Variants in MAN1C1 observed in about 807,000 individuals in gnomAD.
MAN1C1 encodes mannosidase alpha class 1C member 1.
Under a neutral mutation model 71.5 loss-of-function variants are expected in MAN1C1, and 49 were observed. The observed-to-expected ratio is 0.69, with a 90% CI of 0.54 to 0.87. MAN1C1 has a LOEUF of 0.87. MAN1C1 is among the 40% of genes least tolerant of loss of function. The pLI, the probability that MAN1C1 is intolerant of heterozygous loss-of-function variation, is 0.00. For missense variants in MAN1C1, 743 were observed against 835.0 expected, an observed-to-expected ratio of 0.89 and a Z score of 1.36; for synonymous variants, 352 against 343.7, an observed-to-expected ratio of 1.02 and a Z score of -0.27.
intron 8 of MAN1C1, among the ~76,000 whole-genome samples, chr1:25,773,686 G>A (rs913961136): frequency 6.6e-6 from 1 of 152,242 alleles, no homozygotes; most frequent in Non-Finnish European, 1.5e-5. Flanking sequence ...GCACACAGTA[G>A]TTGAGCCATC....
At chr1:25,697,357 T>G (rs965927794) in intron 2 of MAN1C1, among the ~76,000 whole-genome samples, 2 of 152,274 alleles carry the variant, frequency 1.3e-5, no homozygotes, top group Admixed American at 1.3e-4. Context: ...CATTGTAGCA[T>G]GTATTATCAG....
At chr1:25,781,918 C>T (rs931691501) in intron 10 of MAN1C1, among the ~76,000 whole-genome samples, 3 of 152,136 alleles carry the variant, frequency 2.0e-5, no homozygotes, top group East Asian at 1.9e-4. Context: ...CCCATCTATA[C>T]AGAAAAATAC....
intron 1 of MAN1C1, among the ~76,000 whole-genome samples, chr1:25,653,085 GTTTTT>G (rs2045716724): frequency 6.6e-6 from 1 of 151,878 alleles, no homozygotes; most frequent in Non-Finnish European, 1.5e-5. Flanking sequence ...GTTTTGTTTT[GTTTTT>G]GTTTTTTGAA....
chr1:25,665,519 T>C (rs752570755), intron 1 of MAN1C1, among the ~76,000 whole-genome samples: 2 of 152,180 alleles, frequency 1.3e-5, no homozygotes, highest in Non-Finnish European at 2.9e-5. Context: ...TGCCATCATC[T>C]TTGGATAACG....
At chr1:25,777,556 G>A (rs1365062961) in intron 8 of MAN1C1, 2 of 152,206 alleles carry the variant, frequency 1.3e-5, no homozygotes, top group East Asian at 1.9e-4. Flanking sequence ...GGGCGCGGCA[G>A]CCCAGGTGCC....
At chr1:25,732,915 G>A (rs1243764533) in intron 2 of MAN1C1, among the ~76,000 whole-genome samples, 1 of 152,164 alleles carries the variant, frequency 6.6e-6, no homozygotes, top group African/African-American at 2.4e-5. Flanking sequence ...TGCACCTCTT[G>A]GCTGTGGTCC....
chr1:25,631,317 C>A lies in MAN1C1; in HGVS notation c.540+12980C>A, dbSNP rs953526735. On this transcript the variant is annotated intron_variant, in intron 1 of 11. Transcript: ENST00000374332. The surrounding 1 kb of genome is among the most constrained non-coding windows in gnomAD (Gnocchi z 4.2). ...TGAAAGTCGGCATCCTTGTCTTGTT[C>A]CAGTTCTTAGAAGGGAATGCCTTAA... Among the ~76,000 whole-genome samples, 2 of 152,116 alleles carry A rather than the reference C, an allele frequency of 1.3e-5. No individual in the cohort carries two copies. The highest frequency in any genetic ancestry group is 2.9e-5 in the Non-Finnish European group (2 of 68,030).
chr1:25,693,297 G>A (rs1217067371), intron 2 of MAN1C1, among the ~76,000 whole-genome samples: 1 of 152,146 alleles, frequency 6.6e-6, no homozygotes, highest in Non-Finnish European at 1.5e-5. Context: ...GGAGGAAGTG[G>A]GGGTTGGTCT....
intron 7 of MAN1C1, among the ~76,000 whole-genome samples, chr1:25,767,789 CGCATTA>C (rs2047462700): frequency 8.4e-6 from 1 of 119,198 alleles, no homozygotes; most frequent in African/African-American, 3.4e-5. Flanking sequence ...CTAACACACA[CGCATTA>C]CACACTCCCC....
chr1:25,681,661 G>A (rs1239971617), intron 1 of MAN1C1, among the ~76,000 whole-genome samples: 2 of 152,168 alleles, frequency 1.3e-5, no homozygotes, highest in East Asian at 3.9e-4. Context: ...TCCGTACCTA[G>A]AATTAGAATT....
chr1:25,637,818 C>G (rs1485954951), intron 1 of MAN1C1, among the ~76,000 whole-genome samples: 1 of 151,902 alleles, frequency 6.6e-6, no homozygotes, highest in East Asian at 1.9e-4. Context: ...TGATAATTCT[C>G]TTTGTTTGCA....
At chr1:25,641,797 A>T (rs183353246) in intron 1 of MAN1C1, among the ~76,000 whole-genome samples, 1 of 152,334 alleles carries the variant, frequency 6.6e-6, no homozygotes, top group East Asian at 1.9e-4. Context: ...GTGAGAAAAA[A>T]GCTGGAGACA....
intron 7 of MAN1C1, among the ~76,000 whole-genome samples, chr1:25,770,333 A>G (rs1395778572): frequency 6.6e-6 from 1 of 152,240 alleles, no homozygotes; most frequent in East Asian, 1.9e-4. Context: ...TTTCTGGATC[A>G]GGGCTGGAGG....
chr1:25,747,724 T>C (rs2047150187), intron 3 of MAN1C1, among the ~76,000 whole-genome samples: 1 of 152,182 alleles, frequency 6.6e-6, no homozygotes, highest in African/African-American at 2.4e-5. Context: ...CAGAGACCTC[T>C]GGAGTCCTGG....
At chr1:25,688,775 G>C (rs2046268149) in intron 2 of MAN1C1, among the ~76,000 whole-genome samples, 1 of 152,290 alleles carries the variant, frequency 6.6e-6, no homozygotes, top group South Asian at 2.1e-4. Context: ...CTGCTATAAG[G>C]ATATAAATGA....
At chr1:25,620,916 C>T (rs367550353) in intron 1 of MAN1C1, among the ~76,000 whole-genome samples, 16 of 152,330 alleles carry the variant, frequency 1.1e-4, no homozygotes, top group African/African-American at 3.8e-4. Context: ...AGGAAACACT[C>T]TGTCACTAGA....
At position 25,782,816 on chromosome 1, in the gene MAN1C1, G is replaced by T. The variant is rs2072746; in HGVS notation, c.1766+116G>T. The T allele has an allele frequency of 6.7e-6, 5 of 750,028 alleles. No homozygotes were observed. The highest frequency in any genetic ancestry group is 3.5e-5 in the African/African-American group (2 of 56,938). The allele number at this position is 750,028 out of a possible 1,614,324, so 46.5% of individuals were successfully genotyped here. A position where few individuals can be genotyped will look rare whatever the true frequency, so the allele number is the denominator to read the frequency against. On this transcript the variant is annotated intron_variant, in intron 11 of 11. Coordinates refer to ENST00000374332, the MANE Select transcript of MAN1C1 (RefSeq NM_020379.4). This position sits in a 1 kb window ranked among gnomAD's most constrained non-coding sequence, Gnocchi z 4.4. ...GTCACAGGACGGGAGCCCAAAAGGG[G>T]TGAAGGGCTTGGGATCCAGAGGGCT...
At chr1:25,767,836 CT>C (rs1247362546) in intron 7 of MAN1C1, among the ~76,000 whole-genome samples, 6 of 119,578 alleles carry the variant, frequency 5.0e-5, no homozygotes, top group Admixed American at 8.6e-5. Context: ...CTCACACACA[CT>C]ACACACACAT....
At chr1:25,652,464 C>G (rs2124071699) in intron 1 of MAN1C1, among the ~76,000 whole-genome samples, 1 of 152,366 alleles carries the variant, frequency 6.6e-6, no homozygotes, top group Admixed American at 6.5e-5. Context: ...CCTTCCCACC[C>G]CACAGGCTGG....
Sources: gnomAD v4.1 joint callset for allele counts (sites outside exome capture counted in the v4.1 genomes callset) on GRCh38, gnomAD v4.1.1 for gene constraint, Gnocchi (gnomAD v3.1) non-coding constraint, MANE v1.5 for transcripts, NCBI Gene and HGNC (gene_info 2026-07-23, HGNC 2026-07-21) for gene names.